The following C14orf39 variants were observed in gnomAD, a reference collection of about 807,000 sequenced individuals.
C14orf39 encodes protein SIX6OS1.
C14orf39 carries 66 observed loss-of-function variants against 85.6 expected under a neutral mutation model. The observed-to-expected ratio is 0.77, with a 90% CI of 0.63 to 0.95. The LOEUF is 0.95. Ranked by LOEUF, C14orf39 falls within the 40% of genes least tolerant of loss-of-function variation. The probability of loss-of-function intolerance (pLI) is 0.00; values close to 1 mark genes in which losing one functional copy is unlikely to be tolerated. For missense variants in C14orf39, 735 were observed against 663.9 expected (o/e 1.11, Z -1.18); for synonymous variants, 242 against 214.0 (o/e 1.13, Z -1.14).
rs12586711 is a variant in C14orf39, at chr14:60,466,034, G to C, written c.917C>G (p.Ala306Gly). 1 of 1,535,618 alleles carries C rather than the reference G, an allele frequency of 6.5e-7. No individual in the cohort carries two copies. The highest frequency in any genetic ancestry group is 8.8e-7 in the Non-Finnish European group (1 of 1,141,180). ...RVADIKEESS[A>G]KQSKLANIDF... ...AATATTGGCAAGCTTTGACTGCTTC[G>C]CAGAACTTTCTTCTTTTATATCTAG... Residue 306 changes from alanine to glycine, a missense_variant, in exon 11 of 18, where the codon GCG becomes GGG. Physicochemically the swap from Ala to Gly is moderately conservative, Grantham distance 60 (BLOSUM62 0). Coordinates refer to ENST00000321731, the MANE Select transcript of C14orf39 (RefSeq NM_174978.3).
At chr14:60,485,222 C>T in intron 1 of C14orf39, 136 bp from the exon 2 acceptor site, 1 of 704,954 alleles carries the variant, frequency 1.4e-6, no homozygotes, top group Non-Finnish European at 2.3e-6. Context: ...AGACGAGAGG[C>T]CCCCTTGAGC....
chr14:60,489,478 T>C (rs1004591083), upstream of C14orf39, among the ~76,000 whole-genome samples: 86 of 152,340 alleles, frequency 5.6e-4, no homozygotes, highest in African/African-American at 2.0e-3. Flanking sequence ...ACATAGTATA[T>C]AGAAAATATA....
chr14:60,461,897 C>A (rs1337450046), intron 11 of C14orf39, among the ~76,000 whole-genome samples: 1 of 152,088 alleles, frequency 6.6e-6, no homozygotes, highest in African/African-American at 2.4e-5. Context: ...ATTCATGACT[C>A]ATCAACTAAA....
intron 9 of C14orf39, 30 bp downstream of exon 9, chr14:60,468,415 A>T: frequency 1.5e-6 from 2 of 1,377,784 alleles, no homozygotes; most frequent in Non-Finnish European, 2.0e-6. Context: ...ATCTGTTCAC[A>T]TAAAATTTAA....
At chr14:60,472,574 C>A (rs1892147943) in intron 5 of C14orf39, among the ~76,000 whole-genome samples, 2 of 152,098 alleles carry the variant, frequency 1.3e-5, no homozygotes, top group Admixed American at 1.3e-4. Context: ...ACAACAGGCC[C>A]CGGGGTGTGA....
chr14:60,479,974 T>G (rs1892563109), intron 4 of C14orf39, among the ~76,000 whole-genome samples: 1 of 152,152 alleles, frequency 6.6e-6, no homozygotes. Flanking sequence ...ACATTTTCAA[T>G]GGGCAAAGGA....
chr14:60,481,871 T>C (rs1892654534), intron 4 of C14orf39, among the ~76,000 whole-genome samples: 1 of 152,178 alleles, frequency 6.6e-6, no homozygotes, highest in Non-Finnish European at 1.5e-5. Context: ...TTTGACACTT[T>C]TCCTAGCTTA....
At chr14:60,449,576 A>G (rs1045909583) in intron 16 of C14orf39, among the ~76,000 whole-genome samples, 13 of 152,158 alleles carry the variant, frequency 8.5e-5, no homozygotes, top group Non-Finnish European at 1.5e-4. Context: ...TCTGTTTCAT[A>G]ATATTTAGGA....
Position 60,471,600 on chromosome 14 carries a change from A to G in C14orf39, c.463T>C (p.Cys155Arg). The change falls in exon 6 of 18, where the codon TGT becomes CGT. Residue 155 changes from cysteine (C) to arginine (R), a missense_variant. Coordinates refer to ENST00000321731, the MANE Select transcript of C14orf39 (RefSeq NM_174978.3). ...TCATTCATTTTTAATTGTTCAGTAC[A>G]TGCCAACACTCTGCTTTGAATTTCT... ...HEEIQSRVLACTEQLKMNETI... is the reference protein window; with the variant it reads ...HEEIQSRVLARTEQLKMNETI... The G allele has an allele frequency of 6.2e-7, 1 of 1,609,882 alleles. No individual in the cohort carries two copies. Among genetic ancestry groups the G allele is most frequent in the Non-Finnish European group, 8.5e-7 (1 of 1,178,132 alleles).
chr14:60,483,578 A>G, intron 4 of C14orf39, 113 bp downstream of exon 4: 1 of 878,134 alleles, frequency 1.1e-6, no homozygotes, highest in Non-Finnish European at 1.7e-6. Flanking sequence ...GCACATTAAG[A>G]CTTGATTCAT....
At chr14:60,465,923 A>G (rs1016191579) in intron 11 of C14orf39, 56 bp downstream of exon 11, 16 of 884,532 alleles carry the variant, frequency 1.8e-5, no homozygotes, top group Non-Finnish European at 2.4e-5. Context: ...TACATTCATT[A>G]TTACATTTAA....
Position 60,436,356 on chromosome 14 carries a change from T to TTATTACA in C14orf39, c.*488_*489insTGTAATA, listed in dbSNP as rs1202942749. On this transcript the variant is annotated 3_prime_UTR_variant, in exon 18 of 18. Transcript: ENST00000321731. ...GATTTTGTTATTAACATAAATTATT[T>TTATTACA]GAAATTATTATTACAGTACCACTCT... The TTATTACA allele has an allele frequency of 1.3e-5, 2 of 152,156 alleles. No individual in the cohort carries two copies. Among genetic ancestry groups the TTATTACA allele is most frequent in the Admixed American group, 1.3e-4 (2 of 15,254 alleles). The allele number at this position is 152,156 out of a possible 1,614,324, so 9.4% of individuals were successfully genotyped here. A position where few individuals can be genotyped will look rare whatever the true frequency, so the allele number is the denominator to read the frequency against.
At chr14:60,482,227 A>T (rs1279158030) in intron 4 of C14orf39, among the ~76,000 whole-genome samples, 1 of 152,232 alleles carries the variant, frequency 6.6e-6, no homozygotes, top group Non-Finnish European at 1.5e-5. Context: ...GGAAACTATT[A>T]GTACTTTTCC....
At chr14:60,447,972 G>A (rs1403378867) in intron 16 of C14orf39, among the ~76,000 whole-genome samples, 2 of 152,142 alleles carry the variant, frequency 1.3e-5, no homozygotes, top group East Asian at 3.8e-4. Context: ...AATGGTGCTG[G>A]GAAAACTGGC....
intron 2 of C14orf39, among the ~76,000 whole-genome samples, chr14:60,493,568 A>G (rs1893024373): frequency 6.6e-6 from 1 of 152,180 alleles, no homozygotes. Flanking sequence ...GCTACTTTCA[A>G]GGCCCACTTC....
intron 1 of C14orf39, chr14:60,509,931 A>AC (rs374116347): frequency 6.2e-7 from 1 of 1,609,048 alleles, no homozygotes; most frequent in Non-Finnish European, 8.5e-7. Flanking sequence ...TGGTTCAAAA[A>AC]CCGCCGACAA....
intron 1 of C14orf39, chr14:60,509,664 C>T (rs753263476): frequency 4.3e-6 from 7 of 1,613,890 alleles, no homozygotes; most frequent in African/African-American, 1.3e-5. Flanking sequence ...AAGCTGCAGG[C>T]GCTGTGGCTT....
rs1891382490 is a variant in C14orf39 at position 60,458,592 on chromosome 14, A to T, written c.1179+86T>A. 5.6e-6 allele frequency: 5 copies of T among 892,356 alleles called. No homozygotes were observed. The East Asian group carries it at 1.3e-4, about 24-fold the overall frequency. The allele number at this position is 892,356 out of a possible 1,614,324, so 55.3% of individuals were successfully genotyped here. On this transcript the variant is annotated intron_variant, in intron 14 of 17. Coordinates refer to ENST00000321731, the MANE Select transcript of C14orf39 (RefSeq NM_174978.3). ...AAGCTAACAACATCTCACATAAATC[A>T]CTGTACTAAATCTGAAATTTAAATA...
In C14orf39 at chr14:60,483,782, T is replaced by C. The variant is rs1406810374; in HGVS notation, c.142A>G (p.Ile48Val). ...TTTATAGTTTCGTGTATCCTACAAA[T>C]AGTTACTTTGTTTTCCTTAATATCT... ...CEDIKENKVT[I>V]CRIHETINAT... is the part of the protein sequence containing the mutation. Residue 48 changes from isoleucine (I) to valine (V), a missense_variant, in exon 4 of 18, where the codon ATT becomes GTT. By Grantham distance (29) the Ile-to-Val change is conservative. Transcript: ENST00000321731. 1 of 1,545,166 alleles carries C rather than the reference T, an allele frequency of 6.5e-7. No homozygotes were observed. Among genetic ancestry groups the C allele is most frequent in the South Asian group, 1.1e-5 (1 of 87,922 alleles).
Sources: allele counts gnomAD v4.1 joint callset (sites outside exome capture counted in the v4.1 genomes callset), GRCh38; gene constraint gnomAD v4.1.1; transcripts MANE v1.5; gene names NCBI Gene and HGNC (gene_info 2026-07-23, HGNC 2026-07-21).